MED12L: variants seen among roughly 807,000 people sequenced by gnomAD.
The protein encoded by MED12L is mediator complex subunit 12L.
In MED12L, 60 loss-of-function variants were observed where a neutral mutation model predicts 281.3. The observed-to-expected ratio is 0.21, with a 90% CI of 0.17 to 0.26. The LOEUF is 0.26. Among genes scored for constraint, MED12L ranks in the 10% least tolerant of loss-of-function variants. MED12L has a pLI of 1.00. For missense variants in MED12L, 2,146 were observed against 2,680.9 expected, an observed-to-expected ratio of 0.80 and a Z score of 4.41; for synonymous variants, 974 against 987.2, an observed-to-expected ratio of 0.99 and a Z score of 0.25.
intron 16 of MED12L, among the ~76,000 whole-genome samples, chr3:151,218,988 G>A (rs1728802034): frequency 6.6e-6 from 1 of 150,898 alleles, no homozygotes; most frequent in African/African-American, 2.4e-5. Flanking sequence ...TGAGAATGAA[G>A]TGGTCTGAAA....
At chr3:151,414,016 A>T (rs1364187692) in intron 42 of MED12L, among the ~76,000 whole-genome samples, 1 of 151,590 alleles carries the variant, frequency 6.6e-6, no homozygotes, top group Non-Finnish European at 1.5e-5. Flanking sequence ...CCCCTGGCTA[A>T]TTTTTTTGTA....
chr3:151,379,392 C>T (rs1165871204), intron 31 of MED12L, among the ~76,000 whole-genome samples: 3 of 152,182 alleles, frequency 2.0e-5, no homozygotes, highest in African/African-American at 7.2e-5. Flanking sequence ...CAACATGGCG[C>T]TTTGTTTGTC....
chr3:151,298,398 G>A (rs1283801465), intron 16 of MED12L, among the ~76,000 whole-genome samples: 2 of 152,188 alleles, frequency 1.3e-5, no homozygotes, highest in Non-Finnish European at 2.9e-5. Context: ...ACAGTGTAAA[G>A]GCTGTTTTCT....
rs1343384723 is a variant in MED12L at position 151,384,127 on chromosome 3, A to G, written c.4835A>G (p.Asn1612Ser). 6.2e-7 allele frequency: 1 copy of G among 1,614,054 alleles called. No individual in the cohort carries two copies. The highest frequency in any genetic ancestry group is 8.5e-7 in the Non-Finnish European group (1 of 1,179,932). The stretch of plus-strand genomic sequence containing the variant: ...CTTGACATGCTGGGTGTTTTAATCA[A>G]TGGAACGTTAGCCTCTGACCTATCA... ...TVLDMLGVLINGTLASDLSNA... is the reference protein window; with the variant it reads ...TVLDMLGVLISGTLASDLSNA... Residue 1612 changes from asparagine (N) to serine (S), a missense_variant, in exon 35 of 45, where the codon AAT (asparagine) becomes AGT (serine). Asn to Ser is a conservative substitution (Grantham distance 46). This residue lies in a region of MED12L where 212 missense variants were observed against 340.8 expected (regional missense o/e 0.62). Transcript: ENST00000687756.
chr3:151,108,870 G>A (rs1258163334), intron 2 of MED12L, among the ~76,000 whole-genome samples: 1 of 152,070 alleles, frequency 6.6e-6, no homozygotes, highest in Non-Finnish European at 1.5e-5. Flanking sequence ...TTTTTTTCTT[G>A]AGTGCAAAAG....
intron 43 of MED12L, chr3:151,425,606 A>G (rs749259266): frequency 2.2e-6 from 1 of 455,582 alleles, no homozygotes; most frequent in South Asian, 1.5e-5. Context: ...TTCAGCAAAC[A>G]ATGGTATTTC....
rs1720255332 is a variant in MED12L, at chr3:151,436,627, T to C, written c.*3823T>C. Reference sequence around the variant, plus strand: ...TTCATTTACATGCCTATGGCTGCCTTTGATTAAACTTCTTCCAAAAAATAA... The same window carrying C: ...TTCATTTACATGCCTATGGCTGCCTCTGATTAAACTTCTTCCAAAAAATAA... On this transcript the variant is annotated 3_prime_UTR_variant, in exon 45 of 45. Coordinates refer to ENST00000687756, the MANE Select transcript of MED12L (RefSeq NM_001393769.1). The C allele has an allele frequency of 2.5e-6, 3 of 1,202,412 alleles. No individual in the cohort carries two copies. In the South Asian group the frequency reaches 4.5e-5, roughly 18 times the overall value. 74.5% of individuals were successfully genotyped at this position (1,202,412 alleles called of 1,614,324 possible). A position where few individuals can be genotyped will look rare whatever the true frequency, so the allele number is the denominator to read the frequency against.
At position 151,091,145 on chromosome 3, in the gene MED12L, G is replaced by A. The variant is rs79566609; in HGVS notation, c.99+4120G>A. On this transcript the variant is annotated intron_variant, in intron 2 of 44. Coordinates refer to ENST00000687756, the MANE Select transcript of MED12L (RefSeq NM_001393769.1). ...ATCAAATTTGTTAGAAAAATGGGTT[G>A]GGGCAGTAATGAGATTTCCGGGAAT... Among the ~76,000 whole-genome samples, 25 of 152,284 alleles carry A rather than the reference G, an allele frequency of 1.6e-4. No individual in the cohort carries two copies. The East Asian group carries it at 4.8e-3, about 29-fold the overall frequency.
At chr3:151,390,608 C>A (rs1266357968) in intron 38 of MED12L, among the ~76,000 whole-genome samples, 1 of 152,136 alleles carries the variant, frequency 6.6e-6, no homozygotes, top group Admixed American at 6.5e-5. Context: ...TTGGTTCAAG[C>A]CCAAGTAGAT....
chr3:151,202,789 G>T (rs1280872548), intron 16 of MED12L, among the ~76,000 whole-genome samples: 4 of 152,136 alleles, frequency 2.6e-5, no homozygotes, highest in Admixed American at 2.0e-4. Flanking sequence ...AAGGCCTGTT[G>T]TTCCCTGTTG....
rs1560113411 is a variant in MED12L, at chr3:151,388,001, C to G, written c.5280C>G (p.Leu1760=). The change falls in exon 37 of 45, where the codon CTC becomes CTG. Residue 1760 remains leucine (L), a synonymous_variant. Transcript: ENST00000687756. ...HPMPKPRSYY[L]QPLPLPPEEE... The stretch of plus-strand genomic sequence containing the variant: ...TGCCCAAGCCCCGCAGTTACTACCT[C>G]CAGCCACTGCCCCTGCCTCCTGAGG... 1 of 1,614,082 alleles carries G rather than the reference C, an allele frequency of 6.2e-7. No individual in the cohort carries two copies. The highest frequency in any genetic ancestry group is 2.2e-5 in the East Asian group (1 of 44,842).
chr3:151,119,663 T>A (rs952846347), intron 3 of MED12L, among the ~76,000 whole-genome samples: 2 of 152,210 alleles, frequency 1.3e-5, no homozygotes, highest in Non-Finnish European at 2.9e-5. Flanking sequence ...TGTCTCTTGA[T>A]ATGAACTGCT....
At chr3:151,429,714 C>T (rs905848027) in intron 43 of MED12L, among the ~76,000 whole-genome samples, 1 of 152,128 alleles carries the variant, frequency 6.6e-6, no homozygotes. Context: ...ATTTGCATGG[C>T]CCTGGGAATT....
intron 16 of MED12L, among the ~76,000 whole-genome samples, chr3:151,313,057 T>C (rs1560015779): frequency 6.6e-6 from 1 of 152,190 alleles, no homozygotes; most frequent in Non-Finnish European, 1.5e-5. Flanking sequence ...TATTTGTTCT[T>C]TGAGCAGATA....
At chr3:151,406,327 T>G (rs550423703) in intron 39 of MED12L, among the ~76,000 whole-genome samples, 8 of 152,364 alleles carry the variant, frequency 5.3e-5, no homozygotes, top group Admixed American at 3.3e-4. Context: ...CTCAACTAAT[T>G]GAACTGTTTC....
chr3:151,374,086 C>T (rs534698121), intron 27 of MED12L, among the ~76,000 whole-genome samples: 3 of 152,200 alleles, frequency 2.0e-5, no homozygotes, highest in Non-Finnish European at 4.4e-5. Flanking sequence ...ATATTAGTAT[C>T]ACCTTCTTCC....
intron 2 of MED12L, among the ~76,000 whole-genome samples, chr3:151,108,887 A>G (rs16863173): frequency 0.04 from 6,109 of 152,264 alleles, 411 homozygotes; most frequent in African/African-American, 0.14. Flanking sequence ...AAAGAGCTTA[A>G]GAAATTCCCA....
chr3:151,193,827 T>G, intron 16 of MED12L, 161 bp downstream of exon 16: 2 of 553,470 alleles, frequency 3.6e-6, no homozygotes, highest in Admixed American at 3.4e-5. Context: ...CTTAAGCTTA[T>G]GTACTGAGGT....
chr3:151,152,142 C>T (rs568887691), intron 5 of MED12L, among the ~76,000 whole-genome samples: 2 of 127,214 alleles, frequency 1.6e-5, no homozygotes, highest in South Asian at 5.2e-4. Flanking sequence ...CTCGGTTGCC[C>T]AGGCTGGAGT....
Sources: gnomAD v4.1 joint callset for allele counts (sites outside exome capture counted in the v4.1 genomes callset) on GRCh38, gnomAD v4.1.1 for gene constraint, gnomAD v4.1.1 regional missense constraint, MANE v1.5 for transcripts, NCBI Gene and HGNC (gene_info 2026-07-23, HGNC 2026-07-21) for gene names.